LRBA: variants seen among roughly 807,000 people sequenced by gnomAD.
The protein encoded by LRBA is lipopolysaccharide-responsive and beige-like anchor protein.
LRBA carries 176 observed loss-of-function variants against 330.0 expected under a neutral mutation model. That is an observed-to-expected ratio of 0.53 (90% confidence interval 0.47 to 0.60). LRBA has a LOEUF of 0.60. LRBA is among the 20% of genes least tolerant of loss of function. LRBA has a pLI of 0.00. For missense variants in LRBA, 3,259 were observed against 3,444.8 expected, an observed-to-expected ratio of 0.95 and a Z score of 1.35; for synonymous variants, 1,230 against 1,193.0, an observed-to-expected ratio of 1.03 and a Z score of -0.64.
intron 37 of LRBA, among the ~76,000 whole-genome samples, chr4:150,615,386 G>C (rs1222338365): frequency 6.6e-6 from 1 of 152,216 alleles, no homozygotes; most frequent in Non-Finnish European, 1.5e-5. Flanking sequence ...TGAGTGGAAA[G>C]AGTGTCCAGT....
intron 51 of LRBA, chr4:150,310,745 T>A: frequency 5.6e-6 from 1 of 176,996 alleles, no homozygotes; most frequent in South Asian, 1.6e-4. Flanking sequence ...ACATTTATTG[T>A]CATGAGAATG....
At chr4:150,954,813 A>C (rs1227621174) in intron 2 of LRBA, among the ~76,000 whole-genome samples, 1 of 122,204 alleles carries the variant, frequency 8.2e-6, no homozygotes, top group Admixed American at 8.1e-5. Flanking sequence ...CTAGACTCAG[A>C]AATCAAAAAA....
chr4:150,660,612 C>T (rs1207760548), intron 37 of LRBA, among the ~76,000 whole-genome samples: 5 of 143,450 alleles, frequency 3.5e-5, no homozygotes, highest in South Asian at 2.4e-4. Flanking sequence ...CAATGGCGGC[C>T]TTGTGGAATA....
intron 48 of LRBA, among the ~76,000 whole-genome samples, chr4:150,330,900 G>A (rs1733915428): frequency 6.6e-6 from 1 of 152,094 alleles, no homozygotes; most frequent in East Asian, 1.9e-4. Context: ...GGTTGGACTG[G>A]GGACAAAACC....
chr4:150,665,515 AACAGCTCCATCATGC>A (rs1307704749), intron 37 of LRBA, among the ~76,000 whole-genome samples: 1 of 152,180 alleles, frequency 6.6e-6, no homozygotes, highest in Non-Finnish European at 1.5e-5. Context: ...CACGATACAG[AACAGCTCCATCATGC>A]CAAGAAAAAA....
At chr4:150,402,914 T>C (rs1248083242) in intron 47 of LRBA, among the ~76,000 whole-genome samples, 1 of 150,436 alleles carries the variant, frequency 6.6e-6, no homozygotes, top group African/African-American at 2.5e-5. Context: ...TTCCTTTTTC[T>C]TTTTTTTTGG....
At chr4:150,904,246 T>A (rs1255166545) in intron 13 of LRBA, among the ~76,000 whole-genome samples, 7 of 152,208 alleles carry the variant, frequency 4.6e-5, no homozygotes, top group Non-Finnish European at 7.3e-5. Context: ...TTTGTATGCA[T>A]TATATTGTAT....
chr4:150,895,688 G>C (rs946027064), intron 16 of LRBA, among the ~76,000 whole-genome samples: 1 of 152,114 alleles, frequency 6.6e-6, no homozygotes, highest in Non-Finnish European at 1.5e-5. Flanking sequence ...TATCACTGTT[G>C]GACATTTGGG....
chr4:150,720,564 A>G (rs1363556441), intron 36 of LRBA, among the ~76,000 whole-genome samples: 1 of 152,134 alleles, frequency 6.6e-6, no homozygotes, highest in Non-Finnish European at 1.5e-5. Flanking sequence ...GGATCAAAGA[A>G]AGTCAAGCAA....
chr4:150,747,584 T>C (rs577247629), intron 35 of LRBA, among the ~76,000 whole-genome samples: 2 of 152,340 alleles, frequency 1.3e-5, no homozygotes, highest in Non-Finnish European at 2.9e-5. Flanking sequence ...CAATCTAATA[T>C]GGAAAGTTAT....
chr4:150,897,658 TA>T, intron 15 of LRBA, 80 bp downstream of exon 15: 6 of 981,754 alleles, frequency 6.1e-6, no homozygotes, highest in Non-Finnish European at 7.8e-6. Context: ...AAGCAAAGAA[TA>T]AAAAAACCAA....
chr4:150,319,875 T>C (rs1405849074), intron 50 of LRBA, among the ~76,000 whole-genome samples: 1 of 152,216 alleles, frequency 6.6e-6, no homozygotes, highest in East Asian at 1.9e-4. Context: ...CATGAGGTCC[T>C]TGTTCAAGAA....
chr4:150,655,459 A>T (rs1016019218), intron 37 of LRBA, among the ~76,000 whole-genome samples: 1 of 152,226 alleles, frequency 6.6e-6, no homozygotes, highest in Non-Finnish European at 1.5e-5. Context: ...AATCTTTAAG[A>T]CAGATTCCTA....
chr4:150,649,521 T>TC (rs1231932677), intron 37 of LRBA, among the ~76,000 whole-genome samples: 1 of 152,146 alleles, frequency 6.6e-6, no homozygotes, highest in African/African-American at 2.4e-5. Flanking sequence ...GATCTATAAC[T>TC]CCTATGTCAA....
chr4:150,948,200 G>C (rs960044349), intron 2 of LRBA, among the ~76,000 whole-genome samples: 5 of 151,982 alleles, frequency 3.3e-5, no homozygotes, highest in Non-Finnish European at 7.4e-5. Flanking sequence ...AGATAAAGTA[G>C]AAAGAATCCA....
At chr4:150,567,878 A>C (rs1009279210) in intron 40 of LRBA, among the ~76,000 whole-genome samples, 1 of 152,212 alleles carries the variant, frequency 6.6e-6, no homozygotes, top group Non-Finnish European at 1.5e-5. Context: ...AAATAACTTG[A>C]TATCTGCCTT....
intron 37 of LRBA, among the ~76,000 whole-genome samples, chr4:150,652,794 T>C (rs1779824461): frequency 6.6e-6 from 1 of 152,146 alleles, no homozygotes; most frequent in Non-Finnish European, 1.5e-5. Context: ...GTGGCAACCA[T>C]ACTAGACTGC....
rs762798919 is a variant in LRBA at position 150,583,605 on chromosome 4, C to T, written c.6330+4443G>A. 13 of 1,613,920 alleles carry T rather than the reference C, an allele frequency of 8.1e-6. No individual in the cohort carries two copies. In the South Asian group the frequency reaches 8.8e-5, roughly 11 times the overall value. ...CGGCACAGTGGCCTATGCCCCACAT[C>T]CCTTGGCCCGGCCCCAATCGGGTGG... is the stretch of plus-strand genomic sequence containing the variant. On this transcript the variant is annotated intron_variant, in intron 40 of 56. Transcript: ENST00000651943. The surrounding 1 kb of genome is among the most constrained non-coding windows in gnomAD (Gnocchi z 9.8).
At chr4:150,751,298 T>C (rs915093435) in intron 35 of LRBA, among the ~76,000 whole-genome samples, 1 of 152,080 alleles carries the variant, frequency 6.6e-6, no homozygotes, top group African/African-American at 2.4e-5. Flanking sequence ...TTACAAAATG[T>C]TTTAAAATCA....
Sources: allele counts gnomAD v4.1 joint callset (sites outside exome capture counted in the v4.1 genomes callset), GRCh38; gene constraint gnomAD v4.1.1; non-coding constraint Gnocchi (gnomAD v3.1); transcripts MANE v1.5; gene names NCBI Gene and HGNC (gene_info 2026-07-23, HGNC 2026-07-21).